Variants in STK10 observed in about 807,000 individuals in gnomAD.
The protein encoded by STK10 is serine/threonine kinase 10, also known as serine/threonine-protein kinase 10.
Under a neutral mutation model 113.8 loss-of-function variants are expected in STK10, and 78 were observed. The observed-to-expected ratio is 0.69, with a 90% CI of 0.57 to 0.83. The LOEUF (loss-of-function observed/expected upper bound fraction) is 0.83, where lower values mean the gene tolerates loss of function less well. Among genes scored for constraint, STK10 ranks in the 40% least tolerant of loss-of-function variants. The pLI is 0.00. For missense variants in STK10, 1,109 were observed against 1,280.1 expected (o/e 0.87, Z 2.04); for synonymous variants, 465 against 494.7 (o/e 0.94, Z 0.80).
At chr5:172,142,635 G>A (rs1769999110) in intron 2 of STK10, among the ~76,000 whole-genome samples, 1 of 152,196 alleles carries the variant, frequency 6.6e-6, no homozygotes. Flanking sequence ...GACCTCATAA[G>A]ATTTATTGTG....
chr5:172,162,107 G>A (rs560930395), intron 1 of STK10, among the ~76,000 whole-genome samples: 7 of 152,216 alleles, frequency 4.6e-5, no homozygotes, highest in East Asian at 1.9e-4. Context: ...TTGGGAGGTC[G>A]GGGCAGGTGG....
intron 1 of STK10, among the ~76,000 whole-genome samples, chr5:172,182,011 A>G (rs1006504956): frequency 1.3e-5 from 2 of 152,126 alleles, no homozygotes; most frequent in African/African-American, 4.8e-5. Flanking sequence ...TAAATCTTTT[A>G]AAAGTTTAAA....
intron 2 of STK10, among the ~76,000 whole-genome samples, chr5:172,136,187 G>T (rs1769854625): frequency 6.6e-6 from 1 of 152,080 alleles, no homozygotes; most frequent in South Asian, 2.1e-4. Flanking sequence ...ACAACAAATT[G>T]AATAAACTAG....
At chr5:172,119,479 G>A (rs1219796752) in intron 3 of STK10, among the ~76,000 whole-genome samples, 1 of 152,184 alleles carries the variant, frequency 6.6e-6, no homozygotes, top group Non-Finnish European at 1.5e-5. Flanking sequence ...TACTTAGGAT[G>A]CAAAGGTTGG....
intron 12 of STK10, among the ~76,000 whole-genome samples, chr5:172,076,500 A>G (rs62384616): frequency 1.1e-5 from 1 of 94,414 alleles, no homozygotes; most frequent in South Asian, 3.0e-4. Flanking sequence ...CCTGTGCGTT[A>G]GTTGTGGGGG....
At chr5:172,108,431 C>T (rs965558702) in intron 4 of STK10, 1 of 151,992 alleles carries the variant, frequency 6.6e-6, no homozygotes, top group Non-Finnish European at 1.5e-5. Flanking sequence ...ACCTGGCCAA[C>T]GTGGCAAAAC....
chr5:172,085,705 G>A lies in STK10; in HGVS notation c.1686-2621C>T, dbSNP rs1038494482. Among the ~76,000 whole-genome samples, 4 of 151,226 alleles carry A rather than the reference G, an allele frequency of 2.6e-5. No individual in the cohort carries two copies. In the East Asian group the frequency reaches 5.8e-4, roughly 22 times the overall value. On this transcript the variant is annotated intron_variant, in intron 10 of 18. Coordinates refer to ENST00000176763, the MANE Select transcript of STK10 (RefSeq NM_005990.4). ...CTCCATTTCAAAAAAAAAAAAAAGA[G>A]AGAGAAAATTGCTACATATCATTCA...
intron 2 of STK10, among the ~76,000 whole-genome samples, chr5:172,149,510 GTGTGTGTGTGTC>G (rs1200153548): frequency 4.6e-4 from 69 of 150,186 alleles, no homozygotes; most frequent in African/African-American, 1.6e-3. Flanking sequence ...GTGTGTGTGT[GTGTGTGTGTGTC>G]TGTGTGTGTG....
intron 4 of STK10, among the ~76,000 whole-genome samples, chr5:172,112,404 G>A (rs1442006538): frequency 6.7e-6 from 1 of 148,744 alleles, no homozygotes; most frequent in Non-Finnish European, 1.5e-5. Context: ...GCAGTGCACA[G>A]AAGGGACCTT....
At chr5:172,141,260 G>A (rs1203114668) in intron 2 of STK10, among the ~76,000 whole-genome samples, 2 of 152,130 alleles carry the variant, frequency 1.3e-5, no homozygotes, top group African/African-American at 2.4e-5. Flanking sequence ...GTAGTCTCAC[G>A]CTAAGTGTTC....
At position 172,090,346 on chromosome 5, in the gene STK10, T is replaced by A. The variant is rs1768671546; in HGVS notation, c.1571A>T (p.Lys524Ile). 1.2e-6 allele frequency: 2 copies of A among 1,613,814 alleles called. No individual in the cohort carries two copies. Among genetic ancestry groups the A allele is most frequent in the African/African-American group, 2.7e-5 (2 of 74,928 alleles). ...TTTGCGTGTCCGCTTGAGGGTTTTT[T>A]TGTACAGTTTCGGGTCCTGGCCAGG... ...SLSIKDPKLYKKTLKRTRKFV... is the reference protein window; with the variant it reads ...SLSIKDPKLYIKTLKRTRKFV... The change falls in exon 10 of 19, where the codon AAA becomes ATA. Residue 524 changes from lysine (K) to isoleucine (I), a missense_variant. Physicochemically the swap from Lys to Ile is moderately radical, Grantham distance 102. Coordinates refer to ENST00000176763, the MANE Select transcript of STK10 (RefSeq NM_005990.4).
intron 1 of STK10, among the ~76,000 whole-genome samples, chr5:172,164,457 G>A (rs950400590): frequency 3.3e-5 from 5 of 152,100 alleles, no homozygotes; most frequent in Admixed American, 1.3e-4. Flanking sequence ...TCTATTAAGG[G>A]CTTTATTTTA....
intron 2 of STK10, among the ~76,000 whole-genome samples, chr5:172,141,302 C>T (rs984719773): frequency 1.3e-5 from 2 of 152,068 alleles, no homozygotes; most frequent in East Asian, 3.9e-4. Flanking sequence ...TAGGGCCAGG[C>T]GCGGTGGCTC....
chr5:172,187,868 C>T lies in STK10; in HGVS notation c.156+19G>A, dbSNP rs1425730758. ...GAGCCCCTCGACGCGCGTCCGGCCA[C>T]CCACCTCAGCGCCCTCACCTTGTAA... On this transcript the variant is annotated intron_variant, in intron 1 of 18. Coordinates refer to ENST00000176763, the MANE Select transcript of STK10 (RefSeq NM_005990.4). This position sits in a 1 kb window ranked among gnomAD's most constrained non-coding sequence, Gnocchi z 4.6. 2 of 1,611,282 alleles carry T rather than the reference C, an allele frequency of 1.2e-6. No individual in the cohort carries two copies. The highest frequency in any genetic ancestry group is 1.7e-6 in the Non-Finnish European group (2 of 1,178,988).
Position 172,106,640 on chromosome 5 carries a change from C to G in STK10, c.768G>C (p.Thr256=). Residue 256 remains threonine (T), a synonymous_variant, in exon 6 of 19, where the codon ACG becomes ACC. Coordinates refer to ENST00000176763, the MANE Select transcript of STK10 (RefSeq NM_005990.4). The part of the protein sequence containing the change: ...LLKIAKSDPP[T]LLTPSKWSVE... ...CTCACCACTTAGAGGGCGTGAGCAGCGTGGGAGGGTCCGACTTGGCGATCT... is the reference window on the plus strand; with the variant it reads ...CTCACCACTTAGAGGGCGTGAGCAGGGTGGGAGGGTCCGACTTGGCGATCT... 6.2e-7 allele frequency: 1 copy of G among 1,612,700 alleles called. No individual in the cohort carries two copies. Among genetic ancestry groups the G allele is most frequent in the Non-Finnish European group, 8.5e-7 (1 of 1,179,926 alleles).
chr5:172,085,647 C>A (rs1008667286), intron 10 of STK10, among the ~76,000 whole-genome samples: 1 of 151,154 alleles, frequency 6.6e-6, no homozygotes, highest in South Asian at 2.1e-4. Flanking sequence ...CGAGATCACA[C>A]CACTGCACTC....
intron 2 of STK10, among the ~76,000 whole-genome samples, chr5:172,156,360 T>C (rs1373182594): frequency 6.6e-6 from 1 of 152,212 alleles, no homozygotes; most frequent in Non-Finnish European, 1.5e-5. Flanking sequence ...TGGTTAGGAT[T>C]ATTAAGCTTG....
rs768728079 is a variant in STK10, at chr5:172,064,776, G to A, written c.2026C>T (p.Arg676Trp). The change falls in exon 13 of 19, where the codon CGG (arginine) becomes TGG (tryptophan). Residue 676 changes from arginine (R) to tryptophan (W), a missense_variant. Arg to Trp is a moderately radical substitution (Grantham distance 101). Transcript: ENST00000176763. ...NEVEKLPRQQRKESMKQKMEE... is the reference protein window; with the variant it reads ...NEVEKLPRQQWKESMKQKMEE... Reference sequence around the variant, plus strand: ...ATCTTCTGCTTCATGCTTTCCTTCCGCTGCTGTCGGGGGAGCTTCTCCACC... The same window carrying A: ...ATCTTCTGCTTCATGCTTTCCTTCCACTGCTGTCGGGGGAGCTTCTCCACC... 42 of 1,613,970 alleles carry A rather than the reference G, an allele frequency of 2.6e-5. No individual in the cohort carries two copies. Among genetic ancestry groups the A allele is most frequent in the South Asian group, 4.4e-5 (4 of 91,082 alleles).
chr5:172,153,288 AAAAG>A (rs35446422), intron 2 of STK10, among the ~76,000 whole-genome samples: 53,389 of 141,776 alleles, frequency 0.38, 12,101 homozygotes, highest in Admixed American at 0.52. Context: ...CTCCATCTCA[AAAAG>A]AAAGAAAGAA....
Sources: gnomAD v4.1 joint callset for allele counts (sites outside exome capture counted in the v4.1 genomes callset) on GRCh38, gnomAD v4.1.1 for gene constraint, Gnocchi (gnomAD v3.1) non-coding constraint, MANE v1.5 for transcripts, NCBI Gene and HGNC (gene_info 2026-07-23, HGNC 2026-07-21) for gene names.